Variants in TCERG1 observed in about 807,000 individuals in gnomAD.
TCERG1 encodes the protein TATA box binding protein (TBP)-associated factor, RNA polymerase II, S, 150kD.
TCERG1 carries 37 observed loss-of-function variants against 144.7 expected under a neutral mutation model. The ratio of observed to expected loss-of-function variants is 0.26; its 90% CI spans 0.20 to 0.34. The LOEUF (loss-of-function observed/expected upper bound fraction) is 0.34. TCERG1 is among the 10% of genes least tolerant of loss of function. The pLI is 1.00. For synonymous variants in TCERG1, 492 were observed against 458.2 expected (o/e 1.07, Z -0.94); for missense variants, 1,027 against 1,380.7 (o/e 0.74, Z 4.06).
intron 5 of TCERG1, among the ~76,000 whole-genome samples, chr5:146,464,503 A>G (rs1339770151): frequency 6.6e-6 from 1 of 152,232 alleles, no homozygotes; most frequent in Non-Finnish European, 1.5e-5. Context: ...TTGTCTTAAG[A>G]GAAGTCATTA....
chr5:146,449,390 A>G (rs79607621), intron 1 of TCERG1, among the ~76,000 whole-genome samples: 261 of 152,322 alleles, frequency 1.7e-3, no homozygotes, highest in African/African-American at 5.9e-3. Context: ...AGCTTAAGTA[A>G]GAGCCATCTA....
chr5:146,511,442 TAATTTTA>T lies in TCERG1; in HGVS notation c.*802_*808del, dbSNP rs1768449046. On this transcript the variant is annotated 3_prime_UTR_variant, in exon 23 of 23. Coordinates refer to ENST00000679501, the MANE Select transcript of TCERG1 (RefSeq NM_001382548.1). Reference sequence around the variant, plus strand: ...AATGTTAAACTTTGTTGCTAAAGTTTAATTTTAAGATGTTTGAATGTTCAGTTTATGT... The same window carrying T: ...AATGTTAAACTTTGTTGCTAAAGTTTAGATGTTTGAATGTTCAGTTTATGT... The T allele has an allele frequency of 1.3e-5, 2 of 152,796 alleles. No homozygotes were observed. Among genetic ancestry groups the T allele is most frequent in the East Asian group, 3.9e-4 (2 of 5,190 alleles). The allele number at this position is 152,796 out of a possible 1,614,324, so 9.5% of individuals were successfully genotyped here.
At chr5:146,463,870 C>A in intron 5 of TCERG1, 77 bp downstream of exon 5, 1 of 1,574,720 alleles carries the variant, frequency 6.4e-7, no homozygotes, top group Non-Finnish European at 8.7e-7. Context: ...GTGTCTGTTG[C>A]GTTTGAAATT....
chr5:146,460,317 TG>T (rs1051671066), intron 4 of TCERG1, among the ~76,000 whole-genome samples: 18 of 151,886 alleles, frequency 1.2e-4, no homozygotes, highest in Non-Finnish European at 2.9e-5. Context: ...GCTTTCTTTT[TG>T]GGGGGTTTCT....
chr5:146,452,293 G>C (rs1253037967), intron 1 of TCERG1, among the ~76,000 whole-genome samples: 2 of 144,378 alleles, frequency 1.4e-5, no homozygotes, highest in African/African-American at 5.1e-5. Context: ...CTTGAGGACA[G>C]AAATGTAGGT....
At chr5:146,510,169 C>A in intron 22 of TCERG1, 3 of 1,148,092 alleles carry the variant, frequency 2.6e-6, no homozygotes, top group Middle Eastern at 2.3e-4. Flanking sequence ...AGGTACAGCA[C>A]GGGCAAGATT....
chr5:146,457,368 G>C, intron 3 of TCERG1, 33 bp downstream of exon 3: 1 of 1,559,086 alleles, frequency 6.4e-7, no homozygotes, highest in Non-Finnish European at 8.7e-7. Flanking sequence ...GTTGTCATTT[G>C]TTGACAGAGG....
At chr5:146,467,323 T>C (rs1763882089) in intron 5 of TCERG1, among the ~76,000 whole-genome samples, 1 of 152,098 alleles carries the variant, frequency 6.6e-6, no homozygotes, top group African/African-American at 2.4e-5. Flanking sequence ...CTATTTTTAA[T>C]TTTTATAGAG....
At chr5:146,492,093 T>C (rs1766480513) in intron 15 of TCERG1, among the ~76,000 whole-genome samples, 1 of 152,210 alleles carries the variant, frequency 6.6e-6, no homozygotes, top group African/African-American at 2.4e-5. Flanking sequence ...AACATTAAGT[T>C]GGTGGGGGCA....
intron 16 of TCERG1, among the ~76,000 whole-genome samples, chr5:146,494,125 T>C (rs995225638): frequency 6.6e-6 from 1 of 152,102 alleles, no homozygotes; most frequent in Non-Finnish European, 1.5e-5. Flanking sequence ...TCCTGAGTTT[T>C]TTCTGAGTCA....
At chr5:146,504,205 T>G (rs991380001) in intron 19 of TCERG1, 199 bp downstream of exon 19, 81 of 437,514 alleles carry the variant, frequency 1.9e-4, no homozygotes, top group Non-Finnish European at 1.8e-4. Flanking sequence ...ATTCAGAAGT[T>G]AGGCATTTTG....
chr5:146,447,401 G>T lies in TCERG1; in HGVS notation c.52G>T (p.Glu18Ter). 6.2e-7 allele frequency: 1 copy of T among 1,611,892 alleles called. No homozygotes were observed. Residue 18 changes from glutamate to a stop codon, truncating the protein, a stop_gained, in exon 1 of 23, where the codon GAG (glutamate) becomes TAG (stop). Transcript: ENST00000679501. LOFTEE classifies it high-confidence loss of function. ...CGAGAGTGAACGATTCAACCCGGGG[G>T]AGCTCAGGTAAGGAACGCTGCCCTC... ...GGESERFNPG[E>*]LRMAQQQALR...
In TCERG1 at chr5:146,503,842, G is replaced by A; in HGVS notation, c.2617G>A (p.Glu873Lys). 1 of 1,589,538 alleles carries A rather than the reference G, an allele frequency of 6.3e-7. No homozygotes were observed. Among genetic ancestry groups the A allele is most frequent in the Non-Finnish European group, 8.5e-7 (1 of 1,173,672 alleles). ...KIAKNLDSEKEKELERQARIE... is the reference protein window; with the variant it reads ...KIAKNLDSEKKKELERQARIE... ...TTTACAGAATTTAGACTCAGAAAAAGAAAAGGAGCTTGAAAGGCAAGCCCG... is the reference window on the plus strand; with the variant it reads ...TTTACAGAATTTAGACTCAGAAAAAAAAAAGGAGCTTGAAAGGCAAGCCCG... The change falls in exon 19 of 23, where the codon GAA becomes AAA. Residue 873 changes from glutamate to lysine, a missense_variant. Physicochemically the swap from Glu to Lys is moderately conservative, Grantham distance 56. Coordinates refer to ENST00000679501, the MANE Select transcript of TCERG1 (RefSeq NM_001382548.1).
In TCERG1 at chr5:146,469,725, C is replaced by A; in HGVS notation, c.1380C>A (p.Pro460=). The change falls in exon 7 of 23, where the codon CCC becomes CCA. Residue 460 remains proline (P), a synonymous_variant. Transcript: ENST00000679501. ...NRTLESTWEK[P]QELKEKEKLE... Reference sequence around the variant, plus strand: ...CATTAGAATCAACCTGGGAAAAACCCCAAGAACTAAAGGAAAAAGGTATAT... The same window carrying A: ...CATTAGAATCAACCTGGGAAAAACCACAAGAACTAAAGGAAAAAGGTATAT... The A allele has an allele frequency of 6.2e-7, 1 of 1,604,364 alleles. No homozygotes were observed. Among genetic ancestry groups the A allele is most frequent in the Non-Finnish European group, 8.5e-7 (1 of 1,175,648 alleles).
chr5:146,510,478 A>G lies in TCERG1; in HGVS notation c.3184A>G (p.Lys1062Glu). The G allele has an allele frequency of 6.2e-7, 1 of 1,614,104 alleles. No individual in the cohort carries two copies. Among genetic ancestry groups the G allele is most frequent in the Non-Finnish European group, 8.5e-7 (1 of 1,179,974 alleles). Reference sequence around the variant, plus strand: ...AATCCAAGAATCAGATCAGCACCTGAAAGATGTAGAAAAAATTTTACAGAA... The same window carrying G: ...AATCCAAGAATCAGATCAGCACCTGGAAGATGTAGAAAAAATTTTACAGAA... The part of the protein sequence containing the change: ...KLIQESDQHL[K>E]DVEKILQNDK... The change falls in exon 23 of 23, where the codon AAA becomes GAA. Residue 1062 changes from lysine (K) to glutamate (E), a missense_variant. By Grantham distance (56) the Lys-to-Glu change is moderately conservative. Coordinates refer to ENST00000679501, the MANE Select transcript of TCERG1 (RefSeq NM_001382548.1).
chr5:146,452,707 C>T (rs1012329773), intron 1 of TCERG1, among the ~76,000 whole-genome samples: 3 of 152,184 alleles, frequency 2.0e-5, no homozygotes, highest in Non-Finnish European at 2.9e-5. Context: ...CTTCTGCTTC[C>T]GCCTCCCAAG....
At chr5:146,500,095 A>G (rs1414833578) in intron 17 of TCERG1, 1 of 152,088 alleles carries the variant, frequency 6.6e-6, no homozygotes, top group Non-Finnish European at 1.5e-5. Flanking sequence ...AATATTTAAT[A>G]TATTCAGCTT....
chr5:146,506,676 C>T (rs933515435), intron 19 of TCERG1, among the ~76,000 whole-genome samples: 55 of 152,088 alleles, frequency 3.6e-4, no homozygotes, highest in Non-Finnish European at 7.4e-4. Flanking sequence ...TGTCTCCTAC[C>T]CCCTAGACTT....
In TCERG1 at chr5:146,503,649, G is replaced by A. The variant is rs1279202699; in HGVS notation, c.2598+110G>A. The A allele has an allele frequency of 1.2e-5, 17 of 1,420,828 alleles. No individual in the cohort carries two copies. In the East Asian group the frequency reaches 2.3e-4, roughly 20 times the overall value. 88.0% of individuals were successfully genotyped at this position (1,420,828 alleles called of 1,614,324 possible). ...CTATTGGGGGTTTGGATTTTTTCTTGTTAGTATTCTTAACATAAGAGTCTA... is the reference window on the plus strand; with the variant it reads ...CTATTGGGGGTTTGGATTTTTTCTTATTAGTATTCTTAACATAAGAGTCTA... On this transcript the variant is annotated intron_variant, in intron 18 of 22. Transcript: ENST00000679501.
Sources: gnomAD v4.1 joint callset for allele counts (sites outside exome capture counted in the v4.1 genomes callset) on GRCh38, gnomAD v4.1.1 for gene constraint, MANE v1.5 for transcripts, NCBI Gene and HGNC (gene_info 2026-07-23, HGNC 2026-07-21) for gene names.